BIRC6: variants seen among roughly 807,000 people sequenced by gnomAD.
BIRC6 encodes baculoviral IAP repeat containing 6.
BIRC6 carries 98 observed loss-of-function variants against 503.3 expected under a neutral mutation model. The ratio of observed to expected loss-of-function variants is 0.19; its 90% confidence interval spans 0.17 to 0.23. BIRC6 has a LOEUF of 0.23. Ranked by LOEUF, BIRC6 falls within the 10% of genes least tolerant of loss-of-function variation. The pLI, the probability that BIRC6 is intolerant of heterozygous loss-of-function variation, is 1.00. For missense variants in BIRC6, 5,360 were observed against 5,806.0 expected (o/e 0.92, Z 2.50); for synonymous variants, 2,240 against 2,078.7 (o/e 1.08, Z -2.11).
At chr2:32,535,130 A>AC (rs1429539921) in intron 61 of BIRC6, among the ~76,000 whole-genome samples, 1 of 122,212 alleles carries the variant, frequency 8.2e-6, no homozygotes, top group East Asian at 2.4e-4. Context: ...ACATAACAAG[A>AC]CCTCATACCC....
intron 45 of BIRC6, among the ~76,000 whole-genome samples, chr2:32,494,572 C>A (rs755571804): frequency 6.6e-6 from 1 of 150,788 alleles, no homozygotes; most frequent in Non-Finnish European, 1.5e-5. Flanking sequence ...TTTGAAGTTA[C>A]AATAAAACTG....
intron 1 of BIRC6, among the ~76,000 whole-genome samples, chr2:32,363,026 T>C (rs1243052430): frequency 6.6e-6 from 1 of 152,180 alleles, no homozygotes; most frequent in African/African-American, 2.4e-5. Context: ...TCTACTTTAA[T>C]TCCCTGTAAA....
At chr2:32,474,655 A>G (rs986754563) in intron 33 of BIRC6, among the ~76,000 whole-genome samples, 3 of 152,232 alleles carry the variant, frequency 2.0e-5, no homozygotes, top group Admixed American at 6.5e-5. Flanking sequence ...TTACTGCCAA[A>G]TGGCTTAGTG....
At position 32,518,389 on chromosome 2, in the gene BIRC6, C is replaced by A. The variant is rs374537636; in HGVS notation, c.11485C>A (p.Pro3829Thr). 35 of 1,607,086 alleles carry A rather than the reference C, an allele frequency of 2.2e-5. No individual in the cohort carries two copies. The African/African-American group carries it at 4.4e-4, about 20-fold the overall frequency. ...DEKVTMFLQS[P>T]CPLYKGRINA... Reference sequence around the variant, plus strand: ...GAAAGTGACAATGTTTCTTCAGTCTCCATGTCCAGTGAGTATTTAACACTT... The same window carrying A: ...GAAAGTGACAATGTTTCTTCAGTCTACATGTCCAGTGAGTATTTAACACTT... The change falls in exon 56 of 74, where the codon CCA becomes ACA. Residue 3829 changes from proline to threonine, a missense_variant. Around this residue, in one of 16 missense-constraint regions of BIRC6, gnomAD observed 878 missense variants for 928.9 expected, o/e 0.95. Coordinates refer to ENST00000421745, the MANE Select transcript of BIRC6 (RefSeq NM_016252.4).
At chr2:32,433,527 A>G (rs2044366646) in intron 12 of BIRC6, 117 bp from the exon 13 acceptor site, 1 of 806,200 alleles carries the variant, frequency 1.2e-6, no homozygotes, top group Non-Finnish European at 1.9e-6. Flanking sequence ...ATTGAGAAAC[A>G]CTAGATTTTG....
intron 11 of BIRC6, among the ~76,000 whole-genome samples, chr2:32,429,598 T>C (rs1650343720): frequency 6.7e-6 from 1 of 149,326 alleles, no homozygotes; most frequent in Non-Finnish European, 1.5e-5. Flanking sequence ...GAAAAAAAAA[T>C]ACTGTCACTG....
intron 1 of BIRC6, among the ~76,000 whole-genome samples, chr2:32,363,649 A>T (rs1267965678): frequency 6.6e-6 from 1 of 152,118 alleles, no homozygotes; most frequent in Non-Finnish European, 1.5e-5. Context: ...CATGCGCTTT[A>T]TGTTAGGTAG....
chr2:32,555,914 CAA>C (rs372061622), intron 65 of BIRC6, among the ~76,000 whole-genome samples: 37 of 86,028 alleles, frequency 4.3e-4, no homozygotes, highest in African/African-American at 4.3e-4. Context: ...GACCCTATCT[CAA>C]AAAAAAAAAA....
At chr2:32,603,541 C>T (rs1196839758) in intron 71 of BIRC6, among the ~76,000 whole-genome samples, 1 of 152,030 alleles carries the variant, frequency 6.6e-6, no homozygotes, top group Non-Finnish European at 1.5e-5. Flanking sequence ...GTGGTAAGAC[C>T]CGCATCTCTA....
intron 26 of BIRC6, among the ~76,000 whole-genome samples, chr2:32,466,675 TTAAC>T (rs551420612): frequency 1.4e-3 from 206 of 152,376 alleles, no homozygotes; most frequent in African/African-American, 4.8e-3. Context: ...CTTTACAAAA[TTAAC>T]TAATATACTG....
At chr2:32,447,343 C>A (rs1254245668) in intron 21 of BIRC6, among the ~76,000 whole-genome samples, 1 of 150,384 alleles carries the variant, frequency 6.6e-6, no homozygotes, top group Non-Finnish European at 1.5e-5. Flanking sequence ...GCAGAAGCGC[C>A]CCTCACCTCC....
intron 1 of BIRC6, among the ~76,000 whole-genome samples, chr2:32,359,563 A>G (rs1368522371): frequency 6.6e-6 from 1 of 152,176 alleles, no homozygotes; most frequent in Non-Finnish European, 1.5e-5. Context: ...AGAGTTCGGG[A>G]TTGGATACAA....
chr2:32,592,212 C>T (rs2061426863), intron 66 of BIRC6, among the ~76,000 whole-genome samples: 1 of 152,190 alleles, frequency 6.6e-6, no homozygotes, highest in Non-Finnish European at 1.5e-5. Context: ...TCTGCCAAGT[C>T]ATTTCCTGAG....
At chr2:32,553,231 A>AAAAAAAAAAAAAAAAAT (rs2058555924) in intron 65 of BIRC6, among the ~76,000 whole-genome samples, 1 of 133,242 alleles carries the variant, frequency 7.5e-6, no homozygotes, top group Non-Finnish European at 1.6e-5. Context: ...AAAAAAAAAA[A>AAAAAAAAAAAAAAAAAT]AAAGATAAAT....
intron 15 of BIRC6, among the ~76,000 whole-genome samples, chr2:32,436,640 C>T (rs569086319): frequency 2.0e-5 from 3 of 152,104 alleles, no homozygotes; most frequent in Admixed American, 1.3e-4. Flanking sequence ...AGTGTAGTGG[C>T]GCTATCTTTG....
At chr2:32,483,888 A>G (rs913529017) in intron 39 of BIRC6, among the ~76,000 whole-genome samples, 1 of 152,200 alleles carries the variant, frequency 6.6e-6, no homozygotes, top group East Asian at 1.9e-4. Flanking sequence ...TAACCACTTG[A>G]TGAATGAGTT....
At chr2:32,435,429 G>C in intron 13 of BIRC6, 67 bp from the exon 14 acceptor site, 1 of 1,425,774 alleles carries the variant, frequency 7.0e-7, no homozygotes, top group Non-Finnish European at 9.2e-7. Context: ...AGAAAATTAA[G>C]TTTACTAATA....
chr2:32,536,580 T>A (rs2057254023), intron 61 of BIRC6, among the ~76,000 whole-genome samples: 1 of 152,186 alleles, frequency 6.6e-6, no homozygotes, highest in Non-Finnish European at 1.5e-5. Flanking sequence ...CCCCATTTCT[T>A]GTTTTTCTCA....
Position 32,473,151 on chromosome 2 carries a change from A to C in BIRC6, c.6632A>C (p.Gln2211Pro). Residue 2211 changes from glutamine (Q) to proline (P), a missense_variant, in exon 33 of 74, where the codon CAG (glutamine) becomes CCG (proline). Physicochemically the swap from Gln to Pro is moderately conservative, Grantham distance 76 (BLOSUM62 -1). Transcript: ENST00000421745. ...WSFINNNLHT[Q>P]SLNRSSKGSS... is the part of the protein sequence containing the mutation. ...TTTATTAACAATAATCTACACACTC[A>C]GAGCTTAAATAGATCTTCTAAAGGC... 6.3e-7 allele frequency: 1 copy of C among 1,581,052 alleles called. No homozygotes were observed. The highest frequency in any genetic ancestry group is 8.6e-7 in the Non-Finnish European group (1 of 1,160,932).
Sources: allele counts gnomAD v4.1 joint callset (sites outside exome capture counted in the v4.1 genomes callset), GRCh38; gene constraint gnomAD v4.1.1; regional missense constraint gnomAD v4.1.1; transcripts MANE v1.5; gene names NCBI Gene and HGNC (gene_info 2026-07-23, HGNC 2026-07-21).